The following FHIT variants were observed in gnomAD, a reference collection of about 807,000 sequenced individuals.
FHIT encodes fragile histidine triad diadenosine triphosphatase, also known as bis(5'-adenosyl)-triphosphatase.
Under a neutral mutation model 17.9 loss-of-function variants are expected in FHIT, and 19 were observed. The ratio of observed to expected loss-of-function variants is 1.06; its 90% CI spans 0.74 to 1.56. The LOEUF is 1.56. FHIT is among the 40% of genes most tolerant of loss of function. FHIT has a pLI of 0.00. For synonymous variants in FHIT, 81 were observed against 69.7 expected, an observed-to-expected ratio of 1.16 and a Z score of -0.81; for missense variants, 248 against 189.2, an observed-to-expected ratio of 1.31 and a Z score of -1.82.
At chr3:61,024,830 A>C (rs1020382383) in intron 3 of FHIT, among the ~76,000 whole-genome samples, 3 of 152,176 alleles carry the variant, frequency 2.0e-5, no homozygotes, top group African/African-American at 7.2e-5. Flanking sequence ...AGTAACCACT[A>C]GTTTCTCAGG....
rs145920879 is a variant in FHIT, at chr3:60,924,885, C to T, written c.-110-102874G>A. 4.2e-3 allele frequency among the ~76,000 whole-genome samples: 640 copies of T among 152,268 alleles called. 4 individuals are homozygous for T. The highest frequency in any genetic ancestry group is 0.014 in the African/African-American group (580 of 41,552). On this transcript the variant is annotated intron_variant, in intron 3 of 9. Transcript: ENST00000492590. The stretch of plus-strand genomic sequence containing the variant: ...TTAAAGGACCTGATGGAGCTGAAAA[C>T]CACGGCACCAGAACTACGTGACGAA...
chr3:60,482,795 A>T (rs978601190), intron 5 of FHIT, among the ~76,000 whole-genome samples: 1 of 152,112 alleles, frequency 6.6e-6, no homozygotes, highest in Non-Finnish European at 1.5e-5. Flanking sequence ...AAAAAATCCA[A>T]AAGCCAGCAG....
chr3:60,492,403 G>T (rs1412951268), intron 5 of FHIT, among the ~76,000 whole-genome samples: 1 of 152,030 alleles, frequency 6.6e-6, no homozygotes, highest in Non-Finnish European at 1.5e-5. Flanking sequence ...GGATATATAG[G>T]AAAAAGGTTA....
At chr3:60,001,642 T>C (rs1212843171) in intron 7 of FHIT, among the ~76,000 whole-genome samples, 3 of 152,148 alleles carry the variant, frequency 2.0e-5, no homozygotes, top group Admixed American at 2.0e-4. Flanking sequence ...ACAGGGGTGA[T>C]TAACTGTCAA....
intron 5 of FHIT, among the ~76,000 whole-genome samples, chr3:60,155,364 GC>G (rs931565722): frequency 3.3e-5 from 5 of 152,098 alleles, no homozygotes; most frequent in African/African-American, 1.2e-4. Flanking sequence ...ACCAAACACA[GC>G]AAAAACAGGA....
chr3:60,703,987 A>T (rs955448784), intron 4 of FHIT, among the ~76,000 whole-genome samples: 1 of 150,192 alleles, frequency 6.7e-6, no homozygotes, highest in African/African-American at 2.5e-5. Context: ...TGGCTATAAA[A>T]TTTTTTTTTA....
chr3:60,843,204 G>A (rs1443387424), intron 3 of FHIT, among the ~76,000 whole-genome samples: 1 of 152,150 alleles, frequency 6.6e-6, no homozygotes, highest in Admixed American at 6.5e-5. Flanking sequence ...GAGAACCACA[G>A]AGAATTCTTT....
intron 5 of FHIT, among the ~76,000 whole-genome samples, chr3:60,373,733 A>C (rs1450615780): frequency 1.3e-5 from 2 of 152,202 alleles, no homozygotes; most frequent in Non-Finnish European, 2.9e-5. Context: ...GTGCAACTTC[A>C]TTAGAAGCCC....
chr3:60,991,411 C>A (rs903389112), intron 3 of FHIT, among the ~76,000 whole-genome samples: 1 of 152,120 alleles, frequency 6.6e-6, no homozygotes, highest in African/African-American at 2.4e-5. Flanking sequence ...CAAGGACAGC[C>A]ACCGAAGGTT....
intron 8 of FHIT, among the ~76,000 whole-genome samples, chr3:59,840,101 T>C (rs1701476365): frequency 6.6e-6 from 1 of 152,170 alleles, no homozygotes; most frequent in African/African-American, 2.4e-5. Context: ...TGTCACTCTG[T>C]GGGCTATGTT....
chr3:59,796,242 C>T (rs115685818), intron 8 of FHIT, among the ~76,000 whole-genome samples: 5,822 of 152,220 alleles, frequency 0.038, 150 homozygotes, highest in South Asian at 0.087. Flanking sequence ...GTGCCCAGTA[C>T]AATGAGAATG....
intron 8 of FHIT, among the ~76,000 whole-genome samples, chr3:59,858,373 C>G (rs889703943): frequency 1.3e-5 from 2 of 151,360 alleles, no homozygotes; most frequent in Admixed American, 1.3e-4. Flanking sequence ...ATTACAGGCG[C>G]CCGCCACTAC....
At chr3:61,077,378 G>A (rs954378852) in intron 2 of FHIT, among the ~76,000 whole-genome samples, 3 of 151,946 alleles carry the variant, frequency 2.0e-5, no homozygotes, top group Admixed American at 6.6e-5. Flanking sequence ...TTAGAGCACA[G>A]GAAAGGCGAG....
intron 8 of FHIT, among the ~76,000 whole-genome samples, chr3:59,837,975 G>A (rs888256051): frequency 1.3e-5 from 2 of 152,094 alleles, no homozygotes; most frequent in African/African-American, 4.8e-5. Context: ...GCAAATGTTA[G>A]CTGCAGTCAT....
chr3:60,467,274 ATTTCT>A (rs1471584708), intron 5 of FHIT, among the ~76,000 whole-genome samples: 20 of 150,786 alleles, frequency 1.3e-4, no homozygotes, highest in Middle Eastern at 3.4e-3. Context: ...TGTCAATTTG[ATTTCT>A]TTTTTCAAAA....
At chr3:60,179,063 A>C (rs1476948416) in intron 5 of FHIT, among the ~76,000 whole-genome samples, 1 of 152,226 alleles carries the variant, frequency 6.6e-6, no homozygotes, top group South Asian at 2.1e-4. Flanking sequence ...GATAGTAAAA[A>C]GGATTAAAGA....
At chr3:60,303,980 G>A (rs1044034800) in intron 5 of FHIT, among the ~76,000 whole-genome samples, 2 of 152,052 alleles carry the variant, frequency 1.3e-5, no homozygotes, top group Non-Finnish European at 2.9e-5. Flanking sequence ...CCAATGAGAT[G>A]GGAATTCTTG....
intron 8 of FHIT, among the ~76,000 whole-genome samples, chr3:59,818,865 G>A (rs1042832172): frequency 6.6e-6 from 1 of 152,174 alleles, no homozygotes; most frequent in African/African-American, 2.4e-5. Context: ...TTCCTTCCCA[G>A]CTGCCCCTTG....
chr3:60,375,512 T>C (rs903700955), intron 5 of FHIT, among the ~76,000 whole-genome samples: 1 of 151,868 alleles, frequency 6.6e-6, no homozygotes, highest in South Asian at 2.1e-4. Context: ...GAGGCAGAGG[T>C]TGCAGTGAGC....
Sources: gnomAD v4.1 joint callset for allele counts (sites outside exome capture counted in the v4.1 genomes callset) on GRCh38, gnomAD v4.1.1 for gene constraint, MANE v1.5 for transcripts, NCBI Gene and HGNC (gene_info 2026-07-23, HGNC 2026-07-21) for gene names.